The following SND1 variants were observed in gnomAD, a reference collection of about 807,000 sequenced individuals.
SND1 encodes the protein staphylococcal nuclease and tudor domain containing 1, also known as staphylococcal nuclease domain-containing protein 1.
In SND1, 38 loss-of-function variants were observed where a neutral mutation model predicts 121.7. That is an observed-to-expected ratio of 0.31 (90% CI 0.24 to 0.41). SND1 has a LOEUF of 0.41. Ranked by LOEUF, SND1 falls within the 10% of genes least tolerant of loss-of-function variation. The probability of loss-of-function intolerance (pLI) is 1.00; values close to 1 mark genes in which losing one functional copy is unlikely to be tolerated. For synonymous variants in SND1, 401 were observed against 447.4 expected, an observed-to-expected ratio of 0.90 and a Z score of 1.31; for missense variants, 868 against 1,184.6, an observed-to-expected ratio of 0.73 and a Z score of 3.92.
chr7:127,812,732 G>A (rs905413049), intron 11 of SND1, among the ~76,000 whole-genome samples: 1 of 152,224 alleles, frequency 6.6e-6, no homozygotes, highest in African/African-American at 2.4e-5. Context: ...AGGGCACACA[G>A]CTTTCCTGAG....
chr7:127,789,940 A>G (rs1797879754), intron 10 of SND1, among the ~76,000 whole-genome samples: 1 of 152,204 alleles, frequency 6.6e-6, no homozygotes, highest in South Asian at 2.1e-4. Context: ...ATAGCCTTTT[A>G]TTTCTAATTA....
chr7:127,797,212 A>AG (rs986334852), intron 10 of SND1, among the ~76,000 whole-genome samples: 2 of 152,100 alleles, frequency 1.3e-5, no homozygotes, highest in Non-Finnish European at 2.9e-5. Context: ...GATTCTTAAG[A>AG]GGAAACCGAG....
chr7:128,059,555 C>A (rs1793197900), intron 16 of SND1, among the ~76,000 whole-genome samples: 1 of 152,168 alleles, frequency 6.6e-6, no homozygotes, highest in South Asian at 2.1e-4. Context: ...CTTTGAGGAA[C>A]CCTAATCATT....
intron 12 of SND1, chr7:127,858,063 T>G (rs1799314357): frequency 8.6e-7 from 1 of 1,161,592 alleles, no homozygotes; most frequent in Non-Finnish European, 1.3e-6. Context: ...GCAACTCTGC[T>G]TCTCCTCTCT....
chr7:127,857,320 G>A (rs1313478962), intron 12 of SND1, among the ~76,000 whole-genome samples: 2 of 143,656 alleles, frequency 1.4e-5, no homozygotes, highest in African/African-American at 5.1e-5. Flanking sequence ...AACCTCCCGA[G>A]CAGCTGGGAC....
At chr7:128,056,121 C>T (rs1793137727) in intron 16 of SND1, among the ~76,000 whole-genome samples, 1 of 152,254 alleles carries the variant, frequency 6.6e-6, no homozygotes, top group African/African-American at 2.4e-5. Flanking sequence ...TCTTTGTGAA[C>T]TTAATTCAGT....
At chr7:127,739,565 T>G (rs1796839168) in intron 10 of SND1, among the ~76,000 whole-genome samples, 1 of 152,172 alleles carries the variant, frequency 6.6e-6, no homozygotes, top group South Asian at 2.1e-4. Flanking sequence ...TTCTGTCCCC[T>G]GGGTGGGTGG....
intron 16 of SND1, among the ~76,000 whole-genome samples, chr7:128,016,967 G>A (rs981926609): frequency 6.6e-6 from 1 of 152,222 alleles, no homozygotes; most frequent in African/African-American, 2.4e-5. Context: ...TGAGGTATAG[G>A]TCCCAAGGAC....
At chr7:127,683,940 A>G (rs1795770645) in intron 1 of SND1, among the ~76,000 whole-genome samples, 1 of 152,220 alleles carries the variant, frequency 6.6e-6, no homozygotes, top group South Asian at 2.1e-4. Context: ...GGGAGAGGAG[A>G]GGGCATACAA....
At chr7:127,949,296 A>G (rs987911782) in intron 15 of SND1, 9 of 152,234 alleles carry the variant, frequency 5.9e-5, no homozygotes, top group African/African-American at 1.9e-4. Flanking sequence ...AACCCTTAAG[A>G]AAAAAGTAAA....
At chr7:128,091,969 G>T (rs775572705) in intron 23 of SND1, 24 bp from the exon 24 acceptor site, 1 of 1,614,112 alleles carries the variant, frequency 6.2e-7, no homozygotes, top group East Asian at 2.2e-5. Context: ...TCCCTGAAGA[G>T]CTATTGTCTG....
intron 15 of SND1, among the ~76,000 whole-genome samples, chr7:127,957,572 C>T (rs909178272): frequency 2.0e-5 from 3 of 152,128 alleles, no homozygotes; most frequent in Non-Finnish European, 4.4e-5. Flanking sequence ...AAAGTTATAC[C>T]GTTGCCTTGC....
At chr7:127,903,156 A>G (rs1173715172) in intron 13 of SND1, among the ~76,000 whole-genome samples, 3 of 151,762 alleles carry the variant, frequency 2.0e-5, no homozygotes, top group Non-Finnish European at 4.4e-5. Flanking sequence ...TGCTGAGATT[A>G]CAGGCTTGAG....
chr7:127,904,724 G>A, intron 13 of SND1, 23 bp from the exon 14 acceptor site: 1 of 1,556,804 alleles, frequency 6.4e-7, no homozygotes, highest in Non-Finnish European at 8.9e-7. Context: ...GTTTTAATCG[G>A]TTTTTCTCTT....
In SND1 at chr7:127,857,183, C is replaced by CTTTTTTTTTTT. The variant is rs71522259; in HGVS notation, c.1343+12776_1343+12786dup. On this transcript the variant is annotated intron_variant, in intron 12 of 23. Transcript: ENST00000354725. ...CCAATTCTTAGGAAAAATGTCAACA[C>CTTTTTTTTTTT]TTTTTTTTTTTTTTTTTTTTTTTTT... Among the ~76,000 whole-genome samples the CTTTTTTTTTTT allele has an allele frequency of 1.8e-4, 12 of 67,992 alleles. 4 individuals carry two copies. Among genetic ancestry groups the CTTTTTTTTTTT allele is most frequent in the African/African-American group, 6.6e-4 (12 of 18,248 alleles). The allele number at this position is 67,992 out of a possible 152,430, so 44.6% of individuals were successfully genotyped here.
At chr7:127,805,890 T>C (rs1236992816) in intron 10 of SND1, among the ~76,000 whole-genome samples, 2 of 152,212 alleles carry the variant, frequency 1.3e-5, no homozygotes, top group Non-Finnish European at 2.9e-5. Flanking sequence ...GATTTTCTCC[T>C]GTCTTTCTAT....
At chr7:127,933,411 T>C (rs1321971862) in intron 15 of SND1, among the ~76,000 whole-genome samples, 1 of 152,232 alleles carries the variant, frequency 6.6e-6, no homozygotes, top group Non-Finnish European at 1.5e-5. Flanking sequence ...TGCCATAGTG[T>C]GTGCTGTTAT....
chr7:127,724,936 A>G (rs151337819), intron 10 of SND1, among the ~76,000 whole-genome samples: 1 of 152,014 alleles, frequency 6.6e-6, no homozygotes, highest in Admixed American at 6.6e-5. Flanking sequence ...CCTTCTTTAT[A>G]CTTGCCTTTT....
At chr7:127,757,185 C>T (rs1797213200) in intron 10 of SND1, among the ~76,000 whole-genome samples, 1 of 152,170 alleles carries the variant, frequency 6.6e-6, no homozygotes, top group Non-Finnish European at 1.5e-5. Flanking sequence ...TGCAATCATA[C>T]AGTAGGCAGC....
Sources: gnomAD v4.1 joint callset for allele counts (sites outside exome capture counted in the v4.1 genomes callset) on GRCh38, gnomAD v4.1.1 for gene constraint, MANE v1.5 for transcripts, NCBI Gene and HGNC (gene_info 2026-07-23, HGNC 2026-07-21) for gene names.